The following OSBPL6 variants were observed in gnomAD, a reference collection of about 807,000 sequenced individuals.
OSBPL6 encodes the protein oxysterol binding protein like 6, also known as oxysterol-binding protein-related protein 6.
In OSBPL6, 49 loss-of-function variants were observed where a neutral mutation model predicts 125.8. The ratio of observed to expected loss-of-function variants is 0.39; its 90% CI spans 0.31 to 0.49. The LOEUF is 0.49. Among genes scored for constraint, OSBPL6 ranks in the 20% least tolerant of loss-of-function variants. The pLI, the probability that OSBPL6 is intolerant of heterozygous loss-of-function variation, is 0.88. For synonymous variants in OSBPL6, 394 were observed against 391.8 expected, an observed-to-expected ratio of 1.01 and a Z score of -0.07; for missense variants, 986 against 1,135.4, an observed-to-expected ratio of 0.87 and a Z score of 1.89.
At chr2:178,269,065 T>A (rs528836807) in intron 1 of OSBPL6, among the ~76,000 whole-genome samples, 1 of 152,240 alleles carries the variant, frequency 6.6e-6, no homozygotes, top group Non-Finnish European at 1.5e-5. Context: ...TTCTCCTGTG[T>A]GTCAGTATTG....
Position 178,397,355 on chromosome 2 carries a change from C to T in OSBPL6, c.*1796C>T, listed in dbSNP as rs761935561. On this transcript the variant is annotated 3_prime_UTR_variant, in exon 25 of 25. Transcript: ENST00000190611. ...CTAAGCATTCTGCTTCAACAATACC[C>T]TCTCTATTCCTCTCATTCCCATTTT... 1 of 152,208 alleles carries T rather than the reference C, an allele frequency of 6.6e-6. No homozygotes were observed. Among genetic ancestry groups the T allele is most frequent in the Non-Finnish European group, 1.5e-5 (1 of 68,044 alleles). 9.4% of individuals were successfully genotyped at this position (152,208 alleles called of 1,614,324 possible). A position where few individuals can be genotyped will look rare whatever the true frequency, so the allele number is the denominator to read the frequency against.
At chr2:178,335,521 T>C (rs1342153707) in intron 8 of OSBPL6, among the ~76,000 whole-genome samples, 1 of 152,198 alleles carries the variant, frequency 6.6e-6, no homozygotes, top group Admixed American at 6.5e-5. Context: ...TGTGGCCCTC[T>C]GTGAGTAATA....
At chr2:178,335,002 C>T (rs914088664) in intron 8 of OSBPL6, among the ~76,000 whole-genome samples, 2 of 152,118 alleles carry the variant, frequency 1.3e-5, no homozygotes, top group African/African-American at 4.8e-5. Flanking sequence ...CAAGATAGTG[C>T]CGAGTTTCTC....
intron 12 of OSBPL6, among the ~76,000 whole-genome samples, chr2:178,351,981 C>G (rs1274479734): frequency 6.6e-6 from 1 of 152,130 alleles, no homozygotes; most frequent in East Asian, 1.9e-4. Flanking sequence ...ATATTACCCC[C>G]AAACCTAAAA....
intron 2 of OSBPL6, among the ~76,000 whole-genome samples, chr2:178,289,306 G>A (rs1052632138): frequency 1.2e-4 from 18 of 152,254 alleles, no homozygotes; most frequent in Admixed American, 8.5e-4. Flanking sequence ...GTGAGCTACT[G>A]TGCCCAGCCA....
intron 2 of OSBPL6, among the ~76,000 whole-genome samples, chr2:178,296,579 C>G (rs1004310953): frequency 6.6e-6 from 1 of 152,076 alleles, no homozygotes; most frequent in Non-Finnish European, 1.5e-5. Flanking sequence ...ACAAAAAGCC[C>G]AGATTTGAAG....
At chr2:178,344,271 C>A in intron 11 of OSBPL6, 1 of 1,611,946 alleles carries the variant, frequency 6.2e-7, no homozygotes, top group Non-Finnish European at 8.5e-7. Flanking sequence ...CCCCTCTTCT[C>A]CCATTCACCG....
At chr2:178,370,324 A>G (rs929691879) in intron 13 of OSBPL6, among the ~76,000 whole-genome samples, 1 of 152,156 alleles carries the variant, frequency 6.6e-6, no homozygotes, top group Non-Finnish European at 1.5e-5. Flanking sequence ...ATAGCTTACC[A>G]TGAGGCCTCC....
chr2:178,214,383 C>T (rs952087788), intron 1 of OSBPL6, among the ~76,000 whole-genome samples: 1 of 152,202 alleles, frequency 6.6e-6, no homozygotes, highest in Admixed American at 6.5e-5. Flanking sequence ...CAGAGAAACA[C>T]AACCAATAGA....
intron 1 of OSBPL6, among the ~76,000 whole-genome samples, chr2:178,259,218 C>T (rs748215214): frequency 1.3e-5 from 2 of 152,112 alleles, no homozygotes; most frequent in Non-Finnish European, 2.9e-5. Flanking sequence ...CCCAAGTGTA[C>T]CTGCATATAT....
intron 3 of OSBPL6, among the ~76,000 whole-genome samples, chr2:178,310,762 G>A (rs1240619971): frequency 6.6e-6 from 1 of 152,112 alleles, no homozygotes; most frequent in Non-Finnish European, 1.5e-5. Flanking sequence ...CTCCTGCCCA[G>A]CTTACACTGC....
chr2:178,228,332 G>A lies in OSBPL6; in HGVS notation c.-351+33658G>A, dbSNP rs934951457. ...GGGCATATCATGAGGTCAGGAGATC[G>A]AGACCATCCTGGCTAACATGGTGAA... On this transcript the variant is annotated intron_variant, in intron 1 of 24. Transcript: ENST00000190611. 3.9e-5 allele frequency among the ~76,000 whole-genome samples: 6 copies of A among 152,254 alleles called. 1 individual carries two copies. Among genetic ancestry groups the A allele is most frequent in the South Asian group, 2.1e-4 (1 of 4,822 alleles).
chr2:178,382,719 T>C (rs2154114057), intron 16 of OSBPL6: 1 of 1,444,898 alleles, frequency 6.9e-7, no homozygotes, highest in African/African-American at 1.4e-5. Context: ...GAAAACGTTT[T>C]TCCTCTTTCT....
intron 11 of OSBPL6, among the ~76,000 whole-genome samples, chr2:178,348,790 G>C (rs1033769410): frequency 2.6e-5 from 4 of 152,190 alleles, no homozygotes; most frequent in Non-Finnish European, 5.9e-5. Context: ...GAATCTTCCA[G>C]TATATGCATC....
chr2:178,311,176 T>A (rs1033895540), intron 3 of OSBPL6, among the ~76,000 whole-genome samples: 8 of 152,182 alleles, frequency 5.3e-5, no homozygotes, highest in African/African-American at 1.9e-4. Context: ...ATGTTCCCTT[T>A]AAGTGGTTCT....
intron 14 of OSBPL6, among the ~76,000 whole-genome samples, chr2:178,373,359 C>T (rs557957173): frequency 1.4e-4 from 22 of 152,088 alleles, no homozygotes; most frequent in African/African-American, 5.3e-4. Context: ...AAATAGCTTC[C>T]TTGAAAACTA....
At chr2:178,288,945 C>T (rs1195453503) in intron 2 of OSBPL6, among the ~76,000 whole-genome samples, 5 of 151,314 alleles carry the variant, frequency 3.3e-5, no homozygotes, top group East Asian at 1.9e-4. Flanking sequence ...CCACCGTGCC[C>T]GGCCAGGGAC....
chr2:178,282,301 G>C (rs1467269583), intron 1 of OSBPL6, among the ~76,000 whole-genome samples: 1 of 152,172 alleles, frequency 6.6e-6, no homozygotes, highest in Non-Finnish European at 1.5e-5. Flanking sequence ...GGGAGAGGGC[G>C]GAGGAATTCC....
Position 178,280,711 on chromosome 2 carries a change from C to A in OSBPL6, c.-350-4216C>A, listed in dbSNP as rs1010534385. Among the ~76,000 whole-genome samples, 15 of 152,316 alleles carry A rather than the reference C, an allele frequency of 9.8e-5. No individual in the cohort carries two copies. The East Asian group carries it at 2.9e-3, about 29-fold the overall frequency. ...TAAATTTCTATTTTAAACTCTAACA[C>A]ACAGTGTCAGAGTTAACAATTGTGT... On this transcript the variant is annotated intron_variant, in intron 1 of 24. Transcript: ENST00000190611.
Sources: gnomAD v4.1 joint callset for allele counts (sites outside exome capture counted in the v4.1 genomes callset) on GRCh38, gnomAD v4.1.1 for gene constraint, MANE v1.5 for transcripts, NCBI Gene and HGNC (gene_info 2026-07-23, HGNC 2026-07-21) for gene names.